Variants in JCAD observed in about 807,000 individuals in gnomAD.
JCAD encodes junctional cadherin 5-associated protein.
A neutral mutation model predicts 98.0 loss-of-function variants in JCAD; 40 were observed. The observed-to-expected ratio is 0.41, with a 90% CI of 0.32 to 0.53. The LOEUF (loss-of-function observed/expected upper bound fraction) is 0.53. JCAD is among the 20% of genes least tolerant of loss of function. The pLI, the probability that JCAD is intolerant of heterozygous loss-of-function variation, is 0.31. For synonymous variants in JCAD, 691 were observed against 682.3 expected (o/e 1.01, Z -0.20); for missense variants, 1,705 against 1,738.1 (o/e 0.98, Z 0.34).
chr10:30,075,764 T>G (rs1452161548), intron 1 of JCAD, among the ~76,000 whole-genome samples: 1 of 152,110 alleles, frequency 6.6e-6, no homozygotes, highest in Non-Finnish European at 1.5e-5. Context: ...GAAAAATGCA[T>G]TTGAAATGAG....
intron 2 of JCAD, among the ~76,000 whole-genome samples, chr10:30,044,460 G>A (rs972442263): frequency 6.6e-6 from 1 of 152,094 alleles, no homozygotes; most frequent in Non-Finnish European, 1.5e-5. Flanking sequence ...AGGAACTCTC[G>A]TGACCCTTCC....
intron 1 of JCAD, among the ~76,000 whole-genome samples, chr10:30,089,552 T>TGTGTG (rs1838226352): frequency 2.8e-5 from 3 of 106,058 alleles, no homozygotes; most frequent in African/African-American, 1.0e-4. Context: ...GTGTGTGTGT[T>TGTGTG]TGCTACTAAT....
intron 1 of JCAD, among the ~76,000 whole-genome samples, chr10:30,079,652 A>G (rs2132681058): frequency 6.6e-6 from 1 of 152,192 alleles, no homozygotes; most frequent in East Asian, 1.9e-4. Context: ...TGCTCACATG[A>G]CACACAACGT....
At chr10:30,102,789 T>C (rs1838493634) in intron 1 of JCAD, among the ~76,000 whole-genome samples, 1 of 152,200 alleles carries the variant, frequency 6.6e-6, no homozygotes, top group African/African-American at 2.4e-5. Context: ...AGAGATTTAA[T>C]GGACTCACAG....
At chr10:30,038,542 T>C (rs928094334) in intron 2 of JCAD, among the ~76,000 whole-genome samples, 4 of 150,906 alleles carry the variant, frequency 2.7e-5, no homozygotes, top group African/African-American at 7.3e-5. Context: ...AAAGAAAAAT[T>C]AGCTAGATGT....
At chr10:30,045,814 C>T (rs76497712) in intron 2 of JCAD, among the ~76,000 whole-genome samples, 4,236 of 152,334 alleles carry the variant, frequency 0.028, 94 homozygotes, top group Non-Finnish European at 0.039. Context: ...CCTCTTGCTC[C>T]TCGCTGGAGA....
At chr10:30,031,420 C>A (rs1836986694) in intron 2 of JCAD, among the ~76,000 whole-genome samples, 1 of 151,224 alleles carries the variant, frequency 6.6e-6, no homozygotes, top group Non-Finnish European at 1.5e-5. Context: ...CATGAAGCAC[C>A]ATGCCTGGCC....
At chr10:30,063,788 A>G (rs928661428), upstream of JCAD, among the ~76,000 whole-genome samples, 1 of 151,784 alleles carries the variant, frequency 6.6e-6, no homozygotes, top group African/African-American at 2.4e-5. Context: ...TTAATCCCCA[A>G]TGTGGCAGTG....
intron 1 of JCAD, among the ~76,000 whole-genome samples, chr10:30,099,877 C>A (rs140530431): frequency 2.0e-5 from 3 of 152,104 alleles, no homozygotes; most frequent in Non-Finnish European, 1.5e-5. Flanking sequence ...TGACTCATTG[C>A]GATTACCGGC....
chr10:30,092,060 AAAAAATATATAT>A (rs1838282318), intron 1 of JCAD, among the ~76,000 whole-genome samples: 1 of 18,610 alleles, frequency 5.4e-5, no homozygotes, highest in Non-Finnish European at 1.0e-4. Context: ...AAAAAAAAAA[AAAAAATATATAT>A]ATATATATAT....
Position 30,095,201 on chromosome 10 carries a change from T to C in JCAD, n.128+20166A>G, listed in dbSNP as rs149424442. 5.2e-4 allele frequency among the ~76,000 whole-genome samples: 79 copies of C among 152,344 alleles called. No homozygotes were observed. In the East Asian group the frequency reaches 5.6e-3, roughly 11 times the overall value. On this transcript the variant is annotated intron_variant and non_coding_transcript_variant, in intron 1 of 2. Coordinates refer to the JCAD transcript ENST00000465712. ...TTTCTTTCCTGCATAGAACTTGCAG[T>C]TCCCAATTTTGCCCATGATGGACAA...
intron 1 of JCAD, among the ~76,000 whole-genome samples, chr10:30,087,390 G>A (rs1343818984): frequency 6.6e-6 from 1 of 152,130 alleles, no homozygotes; most frequent in African/African-American, 2.4e-5. Context: ...AGTGAGCCGA[G>A]ATCATGCCAT....
chr10:30,091,303 A>G (rs1838258974), intron 1 of JCAD, among the ~76,000 whole-genome samples: 1 of 152,244 alleles, frequency 6.6e-6, no homozygotes, highest in African/African-American at 2.4e-5. Flanking sequence ...AAGATAGGTT[A>G]TAACAACACA....
intron 1 of JCAD, among the ~76,000 whole-genome samples, chr10:30,083,820 A>G (rs904854435): frequency 1.3e-5 from 2 of 152,128 alleles, no homozygotes; most frequent in Admixed American, 6.6e-5. Flanking sequence ...TGAGCCCATG[A>G]GTTGCAGATC....
chr10:30,093,500 G>A (rs1838318218), intron 1 of JCAD, among the ~76,000 whole-genome samples: 1 of 152,242 alleles, frequency 6.6e-6, no homozygotes. Flanking sequence ...GCCCCCTGCA[G>A]GACTGCAGAA....
intron 1 of JCAD, among the ~76,000 whole-genome samples, chr10:30,101,663 C>T (rs974390681): frequency 7.9e-5 from 12 of 152,160 alleles, no homozygotes; most frequent in South Asian, 2.1e-4. Context: ...CCACCACGCC[C>T]GGCTCAGGCT....
At chr10:30,111,994 A>C (rs1252279058) in intron 1 of JCAD, among the ~76,000 whole-genome samples, 5 of 152,216 alleles carry the variant, frequency 3.3e-5, no homozygotes, top group African/African-American at 1.2e-4. Context: ...TATGGGTTTA[A>C]GTGAAAACTT....
At chr10:30,082,269 A>G (rs1292208628) in intron 1 of JCAD, among the ~76,000 whole-genome samples, 1 of 152,180 alleles carries the variant, frequency 6.6e-6, no homozygotes, top group Non-Finnish European at 1.5e-5. Flanking sequence ...GTACTAAGAA[A>G]AGCTCTCACT....
chr10:30,091,110 G>C (rs1006455252), intron 1 of JCAD, among the ~76,000 whole-genome samples: 1 of 152,250 alleles, frequency 6.6e-6, no homozygotes, highest in South Asian at 2.1e-4. Context: ...GTACGTTTAT[G>C]AGAGGCTTTG....
Sources: allele counts gnomAD v4.1 joint callset (sites outside exome capture counted in the v4.1 genomes callset), GRCh38; gene constraint gnomAD v4.1.1; transcripts MANE v1.5; gene names NCBI Gene and HGNC (gene_info 2026-07-23, HGNC 2026-07-21).